SLC4A8: variants seen among roughly 807,000 people sequenced by gnomAD.
SLC4A8 encodes solute carrier family 4 member 8, also known as electroneutral sodium bicarbonate exchanger 1.
A neutral mutation model predicts 125.0 loss-of-function variants in SLC4A8; 40 were observed. The observed-to-expected ratio is 0.32, with a 90% CI of 0.25 to 0.42. The LOEUF (loss-of-function observed/expected upper bound fraction) is 0.42. SLC4A8 is among the 10% of genes least tolerant of loss of function. The pLI is 1.00. For synonymous variants in SLC4A8, 456 were observed against 476.0 expected (o/e 0.96, Z 0.55); for missense variants, 863 against 1,355.1 (o/e 0.64, Z 5.70).
intron 4 of SLC4A8, 95 bp downstream of exon 4, chr12:51,452,354 G>T: frequency 7.1e-7 from 1 of 1,408,854 alleles, no homozygotes. Flanking sequence ...ATTTCTTCTT[G>T]GGAGAAGCTG....
intron 16 of SLC4A8, among the ~76,000 whole-genome samples, chr12:51,484,663 CT>C (rs1347820815): frequency 2.6e-5 from 4 of 152,010 alleles, no homozygotes; most frequent in Non-Finnish European, 2.9e-5. Context: ...TGCTCTCACT[CT>C]TTTGGAAGCT....
chr12:51,471,476 G>A lies in SLC4A8; in HGVS notation c.1848G>A (p.Leu616=), dbSNP rs747547696. 16 of 1,614,010 alleles carry A rather than the reference G, an allele frequency of 9.9e-6. No individual in the cohort carries two copies. The South Asian group carries it at 1.8e-4, about 18-fold the overall frequency. ...AAGCAATAGAAAAACTGATTCACCT[G>A]GCAGAGACCTACCCCATCCACATGC... ...IYEAIEKLIH[L]AETYPIHMHS... is the part of the protein sequence containing the mutation. Residue 616 remains leucine, a synonymous_variant, in exon 14 of 25, where the codon CTG becomes CTA. Transcript: ENST00000453097.
At chr12:51,505,660 C>A (rs1463670893) in intron 23 of SLC4A8, among the ~76,000 whole-genome samples, 175 bp from the exon 24 acceptor site, 2 of 152,230 alleles carry the variant, frequency 1.3e-5, no homozygotes, top group South Asian at 4.1e-4. Flanking sequence ...ATTCTGACCT[C>A]AGTGGCTGCA....
chr12:51,453,796 G>C, intron 5 of SLC4A8, 97 bp downstream of exon 5: 1 of 1,239,778 alleles, frequency 8.1e-7, no homozygotes, highest in Non-Finnish European at 1.1e-6. Context: ...ACAGTGGGTT[G>C]TGTGTCCTTG....
chr12:51,498,774 G>A (rs1459177547), intron 22 of SLC4A8, among the ~76,000 whole-genome samples: 1 of 148,566 alleles, frequency 6.7e-6, no homozygotes, highest in Admixed American at 6.7e-5. Flanking sequence ...TAGCTATTCC[G>A]GAGGCTGAGG....
intron 19 of SLC4A8, among the ~76,000 whole-genome samples, chr12:51,490,642 G>A (rs1180254364): frequency 6.6e-6 from 1 of 151,710 alleles, no homozygotes; most frequent in Non-Finnish European, 1.5e-5. Context: ...GGGGAGAAAA[G>A]CAGTCTAGTC....
chr12:51,471,829 G>A (rs561970130), intron 14 of SLC4A8, among the ~76,000 whole-genome samples: 1 of 152,328 alleles, frequency 6.6e-6, no homozygotes, highest in East Asian at 1.9e-4. Context: ...GTAGCAGGGA[G>A]AATTTGAGTT....
upstream of SLC4A8, among the ~76,000 whole-genome samples, chr12:51,424,199 C>T (rs533625628): frequency 2.6e-5 from 4 of 151,976 alleles, no homozygotes; most frequent in Non-Finnish European, 5.9e-5. Flanking sequence ...ATATTCTAAC[C>T]TTGTGTTAAG....
intron 16 of SLC4A8, among the ~76,000 whole-genome samples, chr12:51,478,834 T>C (rs1329659994): frequency 2.6e-5 from 4 of 152,208 alleles, no homozygotes; most frequent in Non-Finnish European, 5.9e-5. Flanking sequence ...CCCTGTCTCA[T>C]AGGAGCTTAA....
At chr12:51,501,362 G>A (rs1405674423) in intron 22 of SLC4A8, among the ~76,000 whole-genome samples, 1 of 152,092 alleles carries the variant, frequency 6.6e-6, no homozygotes, top group East Asian at 1.9e-4. Flanking sequence ...TTGTGTCCAT[G>A]TGTACCCAAT....
At chr12:51,489,055 G>A (rs1329265918) in intron 18 of SLC4A8, among the ~76,000 whole-genome samples, 195 bp downstream of exon 18, 1 of 152,170 alleles carries the variant, frequency 6.6e-6, no homozygotes, top group Non-Finnish European at 1.5e-5. Flanking sequence ...AAGCAACGTG[G>A]ACTCCATTAC....
At chr12:51,470,353 A>T (rs962373854) in intron 12 of SLC4A8, 39 bp from the exon 13 acceptor site, 2 of 1,604,718 alleles carry the variant, frequency 1.2e-6, no homozygotes, top group African/African-American at 1.3e-5. Context: ...CTCTGTACTG[A>T]TGGGCTATGG....
chr12:51,416,215 T>TTTTG lies in SLC4A8; in HGVS notation c.-111-24490_-111-24489insGTTT, dbSNP rs1555185914. 6.9e-5 allele frequency among the ~76,000 whole-genome samples: 10 copies of TTTTG among 144,424 alleles called. No homozygotes were observed. The East Asian group carries it at 1.1e-3, about 16-fold the overall frequency. The allele number at this position is 144,424 out of a possible 152,430, so 94.7% of individuals were successfully genotyped here. A position where few individuals can be genotyped will look rare whatever the true frequency, so the allele number is the denominator to read the frequency against. On this transcript the variant is annotated intron_variant, in intron 1 of 24. Transcript: ENST00000358657. ...CCTGTTTGATGGAGGTCTTTTGTTT[T>TTTTG]TTTTTTTTTTTTTTTTTGAGAATTT...
At position 51,504,058 on chromosome 12, in the gene SLC4A8, A is replaced by T; in HGVS notation, c.3111A>T (p.Gly1037=). 2 of 1,587,154 alleles carry T rather than the reference A, an allele frequency of 1.3e-6. No homozygotes were observed. The highest frequency in any genetic ancestry group is 1.7e-6 in the Non-Finnish European group (2 of 1,164,982). The part of the protein sequence containing the change: ...EEAEKMLEIG[G]DKFPLESRKL... ...CTGAGAAAATGTTAGAAATTGGGGG[A>T]GACAAGTTTCCCTTAGAGAGCAGGA... Residue 1037 remains glycine (G), a synonymous_variant, in exon 23 of 25, where the codon GGA becomes GGT. Coordinates refer to ENST00000453097, the MANE Select transcript of SLC4A8 (RefSeq NM_001039960.3).
chr12:51,416,361 G>T (rs1016236095), intron 1 of SLC4A8, among the ~76,000 whole-genome samples: 1 of 152,052 alleles, frequency 6.6e-6, no homozygotes, highest in African/African-American at 2.4e-5. Context: ...AAGGACAATA[G>T]GCTGGGCACG....
chr12:51,433,879 G>GTTT lies in SLC4A8; in HGVS notation c.49-6829_49-6828insTTT, dbSNP rs1949300473. The stretch of plus-strand genomic sequence containing the variant: ...TTTTTTTTTTTTTTTTTTTTTTTTT[G>GTTT]GTTGGTTTTTTTTTGAGACAGGGTC... On this transcript the variant is annotated intron_variant, in intron 1 of 24. Coordinates refer to ENST00000453097, the MANE Select transcript of SLC4A8 (RefSeq NM_001039960.3). Among the ~76,000 whole-genome samples the GTTT allele has an allele frequency of 1.5e-3, 40 of 26,296 alleles. 1 individual carries two copies. Among genetic ancestry groups the GTTT allele is most frequent in the Non-Finnish European group, 1.9e-3 (25 of 12,870 alleles). The allele number at this position is 26,296 out of a possible 152,430, so 17.3% of individuals were successfully genotyped here.
At chr12:51,416,896 G>A (rs1480518225) in intron 1 of SLC4A8, among the ~76,000 whole-genome samples, 2 of 152,060 alleles carry the variant, frequency 1.3e-5, no homozygotes, top group African/African-American at 4.8e-5. Flanking sequence ...AGGCCAAGGT[G>A]GGTGGATTGC....
rs747273707 is a variant in SLC4A8, at chr12:51,488,696, T to C, written c.2287-3T>C. On this transcript the variant is annotated splice_polypyrimidine_tract_variant and splice_region_variant and intron_variant, in intron 17 of 24. Transcript: ENST00000453097. ...TACAAAAATAATATATTTTCCCCCT[T>C]AGCCAACAAGGGATGATCGCGGATG... 3.1e-6 allele frequency: 5 copies of C among 1,612,078 alleles called. No individual in the cohort carries two copies. The highest frequency in any genetic ancestry group is 4.2e-6 in the Non-Finnish European group (5 of 1,178,704).
chr12:51,486,448 C>T (rs546786557), intron 17 of SLC4A8, among the ~76,000 whole-genome samples: 1 of 152,294 alleles, frequency 6.6e-6, no homozygotes, highest in South Asian at 2.1e-4. Flanking sequence ...TCATCTCAAT[C>T]TGATTTCATT....
Sources: allele counts gnomAD v4.1 joint callset (sites outside exome capture counted in the v4.1 genomes callset), GRCh38; gene constraint gnomAD v4.1.1; transcripts MANE v1.5; gene names NCBI Gene and HGNC (gene_info 2026-07-23, HGNC 2026-07-21).